The following MARCHF10 variants were observed in gnomAD, a reference collection of about 807,000 sequenced individuals.
MARCHF10 encodes the protein membrane associated ring-CH-type finger 10.
In MARCHF10, 64 loss-of-function variants were observed where a neutral mutation model predicts 76.2. The observed-to-expected ratio is 0.84, with a 90% CI of 0.69 to 1.03. The LOEUF (loss-of-function observed/expected upper bound fraction) is 1.03. Ranked by LOEUF, MARCHF10 falls within the 50% of genes least tolerant of loss-of-function variation. The pLI is 0.00. For missense variants in MARCHF10, 875 were observed against 958.0 expected, an observed-to-expected ratio of 0.91 and a Z score of 1.14; for synonymous variants, 340 against 357.5, an observed-to-expected ratio of 0.95 and a Z score of 0.55.
At chr17:62,771,101 C>T (rs1383661298) in intron 3 of MARCHF10, among the ~76,000 whole-genome samples, 1 of 151,986 alleles carries the variant, frequency 6.6e-6, no homozygotes, top group Non-Finnish European at 1.5e-5. Context: ...ATGATCCAGC[C>T]GCCCAAGCCT....
chr17:62,806,896 CAA>C (rs922998619), intron 1 of MARCHF10, among the ~76,000 whole-genome samples: 2 of 152,174 alleles, frequency 1.3e-5, no homozygotes, highest in African/African-American at 4.8e-5. Flanking sequence ...TAATAACAAT[CAA>C]AGTCTTATTG....
intron 2 of MARCHF10, among the ~76,000 whole-genome samples, chr17:62,798,344 C>A (rs1383073401): frequency 6.6e-6 from 1 of 150,746 alleles, no homozygotes; most frequent in African/African-American, 2.4e-5. Flanking sequence ...CCAAAGGAGG[C>A]TGGATATGGA....
intron 2 of MARCHF10, among the ~76,000 whole-genome samples, chr17:62,793,938 C>T (rs1218478281): frequency 1.3e-5 from 2 of 148,274 alleles, no homozygotes; most frequent in South Asian, 2.2e-4. Flanking sequence ...CTCTATCAAC[C>T]ACAACCACCA....
At chr17:62,745,207 G>A (rs548354867) in intron 4 of MARCHF10, among the ~76,000 whole-genome samples, 8 of 150,796 alleles carry the variant, frequency 5.3e-5, no homozygotes, top group African/African-American at 1.5e-4. Flanking sequence ...AGGTGCAAGC[G>A]ATTCTCCTGC....
rs185896608 is a variant in MARCHF10 at position 62,709,734 on chromosome 17, C to T, written c.2328+1497G>A. ...TTAACAAGAGCCAGTTGGTTTCCTA[C>T]TTTCATTTGGGTGCCTTTTTTTGTT... On this transcript the variant is annotated intron_variant, in intron 9 of 10. Transcript: ENST00000311269. Among the ~76,000 whole-genome samples the T allele has an allele frequency of 2.5e-3, 376 of 152,254 alleles. 1 individual carries two copies. The highest frequency in any genetic ancestry group is 8.4e-3 in the African/African-American group (350 of 41,534).
At chr17:62,777,873 C>T (rs560178292) in intron 3 of MARCHF10, among the ~76,000 whole-genome samples, 14 of 152,208 alleles carry the variant, frequency 9.2e-5, no homozygotes, top group Admixed American at 5.2e-4. Context: ...ATAAAAATTG[C>T]TGCCTAACAC....
chr17:62,725,125 T>C (rs1166004937), intron 6 of MARCHF10, 21 bp from the exon 7 acceptor site: 2 of 1,564,110 alleles, frequency 1.3e-6, no homozygotes. Context: ...AAACAAGCCC[T>C]CGTGACCAGG....
chr17:62,747,773 C>T (rs1985394), intron 4 of MARCHF10, among the ~76,000 whole-genome samples: 78,650 of 151,976 alleles, frequency 0.52, 21,413 homozygotes, highest in East Asian at 0.71. Flanking sequence ...GCCTTCATTC[C>T]GGTGTAGTTC....
intron 3 of MARCHF10, among the ~76,000 whole-genome samples, chr17:62,771,611 C>T (rs540539666): frequency 8.9e-5 from 13 of 145,444 alleles, no homozygotes. Context: ...GAGTCTCACT[C>T]TGTTGCCCAG....
chr17:62,760,860 A>T (rs1568173338), intron 3 of MARCHF10, among the ~76,000 whole-genome samples: 1 of 152,076 alleles, frequency 6.6e-6, no homozygotes, highest in Non-Finnish European at 1.5e-5. Context: ...GTGGGGGTGG[A>T]GGGGGGCACT....
At position 62,737,043 on chromosome 17, in the gene MARCHF10, G is replaced by A. The variant is rs1437629739; in HGVS notation, c.825C>T (p.Asp275=). The A allele has an allele frequency of 1.9e-6, 3 of 1,614,138 alleles. No individual in the cohort carries two copies. The highest frequency in any genetic ancestry group is 3.3e-4 in the Middle Eastern group (2 of 6,062). Residue 275 remains aspartate (D), a synonymous_variant, in exon 6 of 11, where the codon GAC becomes GAT. Transcript: ENST00000311269. ...TGTTCAATGACAAAATGGAATAAAA[G>A]TCTTCATCTCGGAACCTAAATGATG... ...RKASFRFRDE[D]FYSILSLNSR... is the part of the protein sequence containing the mutation.
At chr17:62,703,350 CGA>C (rs1253608372) in intron 10 of MARCHF10, 1 of 152,356 alleles carries the variant, frequency 6.6e-6, no homozygotes, top group Non-Finnish European at 1.5e-5. Context: ...GCCAACCAGG[CGA>C]GTCATGCCAG....
chr17:62,781,375 G>A (rs936588729), intron 3 of MARCHF10, among the ~76,000 whole-genome samples: 38 of 152,112 alleles, frequency 2.5e-4, no homozygotes, highest in African/African-American at 8.5e-4. Context: ...ATGATCCCAC[G>A]AGATATGCAT....
chr17:62,747,653 C>G (rs563642836), intron 4 of MARCHF10, among the ~76,000 whole-genome samples: 38 of 152,330 alleles, frequency 2.5e-4, no homozygotes, highest in African/African-American at 9.1e-4. Context: ...ACTACCACTA[C>G]TACTGAGAAT....
At chr17:62,705,172 T>A in intron 10 of MARCHF10, 1 of 1,174,970 alleles carries the variant, frequency 8.5e-7, no homozygotes, top group Non-Finnish European at 1.1e-6. Flanking sequence ...TTGGGGAGGG[T>A]TTTCCTAGAG....
chr17:62,801,923 G>A (rs1401806318), intron 1 of MARCHF10, among the ~76,000 whole-genome samples, 171 bp from the exon 2 acceptor site: 1 of 152,176 alleles, frequency 6.6e-6, no homozygotes, highest in Non-Finnish European at 1.5e-5. Flanking sequence ...TGCTGTTGAT[G>A]CCCTTACAGT....
rs372476234 is a variant in MARCHF10, at chr17:62,715,203, G to A, written c.2215-3859C>T. The stretch of plus-strand genomic sequence containing the variant: ...ACTGATCTAAACTAAGGGTGAGCAC[G>A]TGGTAGCTGCTAAGCTGAATCTGGC... On this transcript the variant is annotated intron_variant, in intron 8 of 10. Coordinates refer to ENST00000311269, the MANE Select transcript of MARCHF10 (RefSeq NM_152598.4). Among the ~76,000 whole-genome samples, 18 of 152,348 alleles carry A rather than the reference G, an allele frequency of 1.2e-4. No individual in the cohort carries two copies. The South Asian group carries it at 3.7e-3, about 32-fold the overall frequency.
Position 62,736,907 on chromosome 17 carries a change from C to A in MARCHF10, c.961G>T (p.Gly321Trp), listed in dbSNP as rs2091292875. 2.5e-6 allele frequency: 4 copies of A among 1,614,026 alleles called. No homozygotes were observed. Among genetic ancestry groups the A allele is most frequent in the Non-Finnish European group, 2.5e-6 (3 of 1,179,982 alleles). ...PSHHKRSRFG[G>W]TSTPQAKNKN... The stretch of plus-strand genomic sequence containing the variant: ...TTTTTGGCCTGAGGGGTCGATGTCC[C>A]CCCAAATCTACTTCTTTTGTGATGG... The change falls in exon 6 of 11, where the codon GGG becomes TGG. Residue 321 changes from glycine to tryptophan, a missense_variant. Transcript: ENST00000311269.
Position 62,767,450 on chromosome 17 carries a change from C to CCTTTTTTTTTTTTTTTTTT in MARCHF10, c.211-7445_211-7444insAAAAAAAAAAAAAAAAAAG, listed in dbSNP as rs67106553. Among the ~76,000 whole-genome samples, 8 of 134,790 alleles carry CCTTTTTTTTTTTTTTTTTT rather than the reference C, an allele frequency of 5.9e-5. 3 individuals are homozygous for CCTTTTTTTTTTTTTTTTTT. The highest frequency in any genetic ancestry group is 7.8e-5 in the Non-Finnish European group (5 of 64,278). 88.4% of individuals were successfully genotyped at this position (134,790 alleles called of 152,430 possible). A position where few individuals can be genotyped will look rare whatever the true frequency, so the allele number is the denominator to read the frequency against. On this transcript the variant is annotated intron_variant, in intron 3 of 10. Transcript: ENST00000311269. ...AGCTTTGAATTGGTGGGTCTGTATTCTTTTTTTTTTTTTTTTTTGAGATGG... is the reference window on the plus strand; with the variant it reads ...AGCTTTGAATTGGTGGGTCTGTATTCCTTTTTTTTTTTTTTTTTTTTTTTTTTTTTTTTTTTTGAGATGG...
Sources: allele counts gnomAD v4.1 joint callset (sites outside exome capture counted in the v4.1 genomes callset), GRCh38; gene constraint gnomAD v4.1.1; transcripts MANE v1.5; gene names NCBI Gene and HGNC (gene_info 2026-07-23, HGNC 2026-07-21).